MED13: variants seen among roughly 807,000 people sequenced by gnomAD.
MED13 encodes the protein mediator complex subunit 13, also known as mediator of RNA polymerase II transcription subunit 13.
A neutral mutation model predicts 225.2 loss-of-function variants in MED13; 23 were observed. The ratio of observed to expected loss-of-function variants is 0.10; its 90% CI spans 0.07 to 0.14. The LOEUF (loss-of-function observed/expected upper bound fraction) is 0.14, where lower values mean the gene tolerates loss of function less well. MED13 is among the 10% of genes least tolerant of loss of function. The pLI is 1.00. For missense variants in MED13, 2,197 were observed against 2,594.5 expected (o/e 0.85, Z 3.33); for synonymous variants, 942 against 889.2 (o/e 1.06, Z -1.06).
intron 28 of MED13, among the ~76,000 whole-genome samples, chr17:61,948,474 A>G (rs901749710): frequency 2.0e-5 from 3 of 152,286 alleles, no homozygotes; most frequent in East Asian, 1.9e-4. Flanking sequence ...TTGTGTATTA[A>G]TAAGTTTGGG....
intron 2 of MED13, among the ~76,000 whole-genome samples, chr17:62,055,384 T>C (rs1445144396): frequency 1.3e-5 from 2 of 150,546 alleles, no homozygotes; most frequent in Non-Finnish European, 3.0e-5. Flanking sequence ...AGCGAGACTC[T>C]GACTCAAAAA....
At chr17:62,061,486 T>C (rs1191753749) in intron 2 of MED13, among the ~76,000 whole-genome samples, 1 of 152,236 alleles carries the variant, frequency 6.6e-6, no homozygotes. Flanking sequence ...CTGCCAACTT[T>C]ATTAAGAAGA....
intron 8 of MED13, among the ~76,000 whole-genome samples, chr17:62,024,120 C>T (rs2080676974): frequency 6.6e-6 from 1 of 151,968 alleles, no homozygotes; most frequent in Non-Finnish European, 1.5e-5. Flanking sequence ...CGGGTTCAAG[C>T]GATTCTCCTG....
In MED13 at chr17:61,948,861, C is replaced by T. The variant is rs371968731; in HGVS notation, c.6292-1844G>A. ...CAGCACTTTGGGAGGCCGAGGCGGG[C>T]GGATCACGAGGTCAGGAGATCGAGA... is the stretch of plus-strand genomic sequence containing the variant. On this transcript the variant is annotated intron_variant, in intron 28 of 29. Transcript: ENST00000397786. Among the ~76,000 whole-genome samples the T allele has an allele frequency of 1.0e-3, 158 of 150,906 alleles. 1 individual carries two copies. The highest frequency in any genetic ancestry group is 3.7e-3 in the African/African-American group (151 of 41,244).
intron 28 of MED13, among the ~76,000 whole-genome samples, chr17:61,949,166 T>C (rs926992623): frequency 6.6e-6 from 1 of 152,156 alleles, no homozygotes; most frequent in African/African-American, 2.4e-5. Context: ...TATAATTCTG[T>C]ATAGGGCTTT....
chr17:62,021,892 C>T (rs1742355698), intron 8 of MED13, among the ~76,000 whole-genome samples: 1 of 152,108 alleles, frequency 6.6e-6, no homozygotes, highest in South Asian at 2.1e-4. Context: ...AAAGCCTGGG[C>T]ACAGTGGCTC....
At position 61,944,155 on chromosome 17, in the gene MED13, G is replaced by A. The variant is rs1040521028; in HGVS notation, c.*2313C>T. 4 of 152,598 alleles carry A rather than the reference G, an allele frequency of 2.6e-5. No individual in the cohort carries two copies. Among genetic ancestry groups the A allele is most frequent in the East Asian group, 1.9e-4 (1 of 5,176 alleles). The allele number at this position is 152,598 out of a possible 1,614,324, so 9.5% of individuals were successfully genotyped here. On this transcript the variant is annotated 3_prime_UTR_variant, in exon 30 of 30. Coordinates refer to ENST00000397786, the MANE Select transcript of MED13 (RefSeq NM_005121.3). ...CCTGATTCCCAAATAAAAAATAATT[G>A]TGTACTGGGTTCCCTCCTTATGGCT...
chr17:62,065,240 C>A lies in MED13; in HGVS notation c.-35G>T. On this transcript the variant is annotated 5_prime_UTR_variant, in exon 1 of 30. Transcript: ENST00000397786. ...CAGCAGCCGCCGCCGGCGCCACAAC[C>A]CACCATCCGCCATTACCGCCGCCTC... 6.5e-7 allele frequency: 1 copy of A among 1,527,822 alleles called. No individual in the cohort carries two copies. The highest frequency in any genetic ancestry group is 8.8e-7 in the Non-Finnish European group (1 of 1,132,412). 94.6% of individuals were successfully genotyped at this position (1,527,822 alleles called of 1,614,324 possible). A position where few individuals can be genotyped will look rare whatever the true frequency, so the allele number is the denominator to read the frequency against.
Position 61,995,319 on chromosome 17 carries a change from C to A in MED13, c.2014G>T (p.Val672Leu). 6.2e-7 allele frequency: 1 copy of A among 1,613,310 alleles called. No individual in the cohort carries two copies. Among genetic ancestry groups the A allele is most frequent in the Non-Finnish European group, 8.5e-7 (1 of 1,179,840 alleles). ...TGGTTTTTAATTTGATATTGCTGCACTAATTCATCAGAAACTTTTAAAGGT... is the reference window on the plus strand; with the variant it reads ...TGGTTTTTAATTTGATATTGCTGCAATAATTCATCAGAAACTTTTAAAGGT... ...KKPLKVSDEL[V>L]QQYQIKNQCL... The change falls in exon 10 of 30, where the codon GTG (valine) becomes TTG (leucine). Residue 672 changes from valine (V) to leucine (L), a missense_variant. This residue lies in a region of MED13 where 884 missense variants were observed against 918.5 expected (regional missense o/e 0.96). Coordinates refer to ENST00000397786, the MANE Select transcript of MED13 (RefSeq NM_005121.3).
rs547385363 is a variant in MED13, at chr17:61,960,881, G to A, written c.5466C>T (p.Ile1822=). 3 of 1,601,966 alleles carry A rather than the reference G, an allele frequency of 1.9e-6. No individual in the cohort carries two copies. The highest frequency in any genetic ancestry group is 1.1e-5 in the South Asian group (1 of 90,628). The change falls in exon 23 of 30, where the codon ATC becomes ATT. Residue 1822 remains isoleucine, a synonymous_variant. Coordinates refer to ENST00000397786, the MANE Select transcript of MED13 (RefSeq NM_005121.3). ...AATACAAATACCTATTTGGAACATC[G>A]ATGTTAATGATACAAGTTTCTAAAA... ...GELLETCIIN[I]DVPNRARRKK...
intron 3 of MED13, among the ~76,000 whole-genome samples, chr17:62,042,094 A>G (rs1189828789): frequency 6.6e-6 from 1 of 152,190 alleles, no homozygotes; most frequent in Non-Finnish European, 1.5e-5. Context: ...TACAGCCTTC[A>G]GAGTAACTTT....
intron 8 of MED13, among the ~76,000 whole-genome samples, chr17:62,020,712 A>G (rs909433074): frequency 2.2e-4 from 25 of 114,380 alleles, no homozygotes; most frequent in African/African-American, 8.8e-4. Context: ...TTTTTAATTG[A>G]TCATTCTTGG....
chr17:62,059,754 C>G (rs1029568901), intron 2 of MED13, among the ~76,000 whole-genome samples: 2 of 152,180 alleles, frequency 1.3e-5, no homozygotes, highest in Admixed American at 1.3e-4. Context: ...AAGAAAAGGG[C>G]AAGACAAATA....
chr17:62,015,954 A>ATT (rs869061252), intron 8 of MED13, among the ~76,000 whole-genome samples: 10 of 12,904 alleles, frequency 7.7e-4, no homozygotes, highest in East Asian at 8.1e-3. Flanking sequence ...ATATATATAT[A>ATT]TTTTTTTTTT....
intron 3 of MED13, among the ~76,000 whole-genome samples, chr17:62,052,114 T>C (rs2080961998): frequency 6.6e-6 from 1 of 152,094 alleles, no homozygotes; most frequent in Admixed American, 6.6e-5. Flanking sequence ...AATTGAGAGA[T>C]TGGGAATAAG....
intron 8 of MED13, among the ~76,000 whole-genome samples, chr17:62,021,839 TC>T (rs796606041): frequency 1.5e-4 from 23 of 152,158 alleles, no homozygotes; most frequent in African/African-American, 5.5e-4. Flanking sequence ...TTTATTTCCT[TC>T]CCAGCACTCA....
At chr17:62,047,756 A>T (rs1299364356) in intron 3 of MED13, among the ~76,000 whole-genome samples, 1 of 151,776 alleles carries the variant, frequency 6.6e-6, no homozygotes, top group Non-Finnish European at 1.5e-5. Context: ...TAAGATCATT[A>T]AAAAAGAGAG....
At chr17:62,057,546 A>G (rs2081005371) in intron 2 of MED13, among the ~76,000 whole-genome samples, 2 of 150,668 alleles carry the variant, frequency 1.3e-5, no homozygotes, top group South Asian at 4.7e-4. Flanking sequence ...TGTGGGGCAC[A>G]CAACAATGTT....
At position 61,945,845 on chromosome 17, in the gene MED13, C is replaced by T. The variant is rs2079848044; in HGVS notation, c.*623G>A. The T allele has an allele frequency of 1.3e-5, 2 of 152,352 alleles. No homozygotes were observed. Among genetic ancestry groups the T allele is most frequent in the African/African-American group, 4.8e-5 (2 of 41,340 alleles). The allele number at this position is 152,352 out of a possible 1,614,324, so 9.4% of individuals were successfully genotyped here. ...AATACAAATTTACTGTCCCACCCAC[C>T]CCCTTACAAAAAAATAATACTCTAA... On this transcript the variant is annotated 3_prime_UTR_variant, in exon 30 of 30. Coordinates refer to ENST00000397786, the MANE Select transcript of MED13 (RefSeq NM_005121.3).
Sources: allele counts gnomAD v4.1 joint callset (sites outside exome capture counted in the v4.1 genomes callset), GRCh38; gene constraint gnomAD v4.1.1; regional missense constraint gnomAD v4.1.1; transcripts MANE v1.5; gene names NCBI Gene and HGNC (gene_info 2026-07-23, HGNC 2026-07-21).